Variants in ELF2 observed in about 807,000 individuals in gnomAD.
ELF2 encodes the protein E74 like ETS transcription factor 2.
Under a neutral mutation model 54.8 loss-of-function variants are expected in ELF2, and 11 were observed. The ratio of observed to expected loss-of-function variants is 0.20; its 90% confidence interval spans 0.13 to 0.33. The LOEUF (loss-of-function observed/expected upper bound fraction) is 0.33. Ranked by LOEUF, ELF2 falls within the 10% of genes least tolerant of loss-of-function variation. The pLI is 1.00. For missense variants in ELF2, 513 were observed against 703.0 expected (o/e 0.73, Z 3.06); for synonymous variants, 203 against 245.1 (o/e 0.83, Z 1.61).
chr4:139,096,185 T>G (rs920497612), intron 4 of ELF2, among the ~76,000 whole-genome samples: 4 of 152,300 alleles, frequency 2.6e-5, no homozygotes, highest in African/African-American at 7.2e-5. Context: ...GTTATTATAT[T>G]GGATAAGTTT....
chr4:139,093,801 C>T (rs1253667136), intron 4 of ELF2, among the ~76,000 whole-genome samples: 1 of 152,072 alleles, frequency 6.6e-6, no homozygotes, highest in African/African-American at 2.4e-5. Context: ...AGATACATTC[C>T]CTTCAAGATT....
chr4:139,154,313 T>G (rs764808049), intron 1 of ELF2, among the ~76,000 whole-genome samples: 2 of 152,224 alleles, frequency 1.3e-5, no homozygotes, highest in African/African-American at 4.8e-5. Flanking sequence ...CATAAGATAG[T>G]ATAAAACAAC....
At chr4:139,065,323 TA>T (rs1309424761) in intron 7 of ELF2, among the ~76,000 whole-genome samples, 1 of 151,946 alleles carries the variant, frequency 6.6e-6, no homozygotes, top group Non-Finnish European at 1.5e-5. Flanking sequence ...CAAAAAATTT[TA>T]AAATTAGCCA....
chr4:139,159,138 C>G (rs1398832288), intron 1 of ELF2, among the ~76,000 whole-genome samples: 1 of 152,144 alleles, frequency 6.6e-6, no homozygotes, highest in Non-Finnish European at 1.5e-5. Flanking sequence ...AAGTGTCCAC[C>G]TAGACCAAGA....
Position 139,063,967 on chromosome 4 carries a change from T to C in ELF2, c.614-1910A>G, listed in dbSNP as rs191120475. Among the ~76,000 whole-genome samples the C allele has an allele frequency of 7.2e-5, 11 of 152,302 alleles. 1 individual carries two copies. In the East Asian group the frequency reaches 2.1e-3, roughly 29 times the overall value. ...ATTAGAAGACGCTTTTCAGATTGTT[T>C]TTATTTTATTCCCTTCATAACCTCT... is the stretch of plus-strand genomic sequence containing the variant. On this transcript the variant is annotated intron_variant, in intron 7 of 9. Coordinates refer to ENST00000686138, the MANE Select transcript of ELF2 (RefSeq NM_001331036.3).
chr4:139,166,408 AAAAT>A (rs1239522733), intron 1 of ELF2, among the ~76,000 whole-genome samples: 1 of 152,066 alleles, frequency 6.6e-6, no homozygotes, highest in Non-Finnish European at 1.5e-5. Context: ...GTAAAATTTA[AAAAT>A]AAATAAAAAT....
At chr4:139,064,279 C>T (rs1021271577) in intron 7 of ELF2, among the ~76,000 whole-genome samples, 10 of 152,078 alleles carry the variant, frequency 6.6e-5, no homozygotes, top group Admixed American at 5.9e-4. Flanking sequence ...CTGCACTGCA[C>T]CGCACTGCCT....
intron 1 of ELF2, among the ~76,000 whole-genome samples, chr4:139,160,327 T>C (rs951848860): frequency 2.6e-5 from 4 of 152,232 alleles, no homozygotes; most frequent in Non-Finnish European, 5.9e-5. Flanking sequence ...ATGTTAACTC[T>C]TTTCTGCACA....
At chr4:139,119,222 T>TA (rs1426127472) in intron 4 of ELF2, among the ~76,000 whole-genome samples, 1 of 152,236 alleles carries the variant, frequency 6.6e-6, no homozygotes, top group African/African-American at 2.4e-5. Flanking sequence ...ATCTATGAAA[T>TA]ACGTTTCCCC....
intron 4 of ELF2, among the ~76,000 whole-genome samples, chr4:139,083,472 CATT>C (rs1434632402): frequency 6.6e-6 from 1 of 152,180 alleles, no homozygotes; most frequent in Non-Finnish European, 1.5e-5. Context: ...GGTTACTCAA[CATT>C]ATTAAGTGAC....
At chr4:139,101,239 G>T (rs1220617963) in intron 4 of ELF2, among the ~76,000 whole-genome samples, 2 of 152,070 alleles carry the variant, frequency 1.3e-5, no homozygotes, top group Non-Finnish European at 2.9e-5. Context: ...CCCCACAAAT[G>T]AGTGAGTTTC....
At chr4:139,080,491 T>C (rs138294774) in intron 4 of ELF2, among the ~76,000 whole-genome samples, 152 of 152,274 alleles carry the variant, frequency 1.0e-3, no homozygotes, top group Admixed American at 2.6e-3. Context: ...AATAGATTTG[T>C]TTTCTGTCAG....
intron 3 of ELF2, among the ~76,000 whole-genome samples, chr4:139,133,845 G>C (rs1384267901): frequency 6.6e-6 from 1 of 152,000 alleles, no homozygotes; most frequent in African/African-American, 2.4e-5. Flanking sequence ...TAATTGCTTT[G>C]TATACACTCA....
At chr4:139,084,459 C>CAG in intron 4 of ELF2, 2 of 1,150,608 alleles carry the variant, frequency 1.7e-6, no homozygotes, top group Non-Finnish European at 2.1e-6. Flanking sequence ...GCGGCGGCGG[C>CAG]GGCTGTGGCT....
intron 1 of ELF2, among the ~76,000 whole-genome samples, chr4:139,173,818 T>C (rs1035636556): frequency 2.0e-5 from 3 of 150,552 alleles, no homozygotes; most frequent in Non-Finnish European, 4.4e-5. Context: ...TCAGGTGCAG[T>C]GGCTCAAGCC....
chr4:139,083,184 G>C (rs1042073537), intron 4 of ELF2, among the ~76,000 whole-genome samples: 12 of 152,072 alleles, frequency 7.9e-5, no homozygotes, highest in East Asian at 1.9e-4. Context: ...GGAGGTTTGG[G>C]GGGGGGTAGA....
chr4:139,109,013 T>C (rs1734701458), intron 4 of ELF2, among the ~76,000 whole-genome samples: 1 of 152,196 alleles, frequency 6.6e-6, no homozygotes, highest in Non-Finnish European at 1.5e-5. Flanking sequence ...TCATGGAAAG[T>C]ATCTTCTGCC....
intron 1 of ELF2, among the ~76,000 whole-genome samples, chr4:139,140,261 C>G (rs528211683): frequency 6.8e-4 from 103 of 152,300 alleles, no homozygotes; most frequent in African/African-American, 2.4e-3. Context: ...CAGCACCCAT[C>G]CAAACATCCC....
At position 139,067,444 on chromosome 4, in the gene ELF2, C is replaced by T. The variant is rs1728870337; in HGVS notation, c.613+240G>A. 7 of 438,440 alleles carry T rather than the reference C, an allele frequency of 1.6e-5. No individual in the cohort carries two copies. The South Asian group carries it at 2.3e-4, about 14-fold the overall frequency. 27.2% of individuals were successfully genotyped at this position (438,440 alleles called of 1,614,324 possible). A position where few individuals can be genotyped will look rare whatever the true frequency, so the allele number is the denominator to read the frequency against. On this transcript the variant is annotated intron_variant, in intron 7 of 9. Coordinates refer to ENST00000686138, the MANE Select transcript of ELF2 (RefSeq NM_001331036.3). ...TATCAGACATCCTTTGGACTTTTTC[C>T]AAGTCCCTATATCCCCCATGATACA...
Sources: gnomAD v4.1 joint callset for allele counts (sites outside exome capture counted in the v4.1 genomes callset) on GRCh38, gnomAD v4.1.1 for gene constraint, MANE v1.5 for transcripts, NCBI Gene and HGNC (gene_info 2026-07-23, HGNC 2026-07-21) for gene names.